KIAA1217: variants seen among roughly 807,000 people sequenced by gnomAD.
The protein encoded by KIAA1217 is KIAA1217, also known as sickle tail protein homolog.
KIAA1217 carries 88 observed loss-of-function variants against 163.9 expected under a neutral mutation model. That is an observed-to-expected ratio of 0.54 (90% confidence interval 0.45 to 0.64). KIAA1217 has a LOEUF of 0.64. Ranked by LOEUF, KIAA1217 falls within the 30% of genes least tolerant of loss-of-function variation. The pLI is 0.00. For missense variants in KIAA1217, 2,372 were observed against 2,475.0 expected (o/e 0.96, Z 0.88); for synonymous variants, 903 against 923.1 (o/e 0.98, Z 0.39).
At chr10:24,261,159 G>C (rs1017721892) in intron 2 of KIAA1217, among the ~76,000 whole-genome samples, 4 of 151,442 alleles carry the variant, frequency 2.6e-5, no homozygotes, top group Admixed American at 2.6e-4. Flanking sequence ...TGTCTTCTAA[G>C]CTGGTTGTGT....
chr10:24,393,140 T>C (rs938029326), intron 3 of KIAA1217, among the ~76,000 whole-genome samples: 1 of 152,218 alleles, frequency 6.6e-6, no homozygotes, highest in Admixed American at 6.5e-5. Flanking sequence ...AACTTCATCC[T>C]TGGTGTTCTC....
intron 2 of KIAA1217, among the ~76,000 whole-genome samples, chr10:24,199,168 G>A (rs2067130866): frequency 6.6e-6 from 1 of 152,168 alleles, no homozygotes; most frequent in Non-Finnish European, 1.5e-5. Flanking sequence ...GGAGTTTGGG[G>A]CTGCAGTGAG....
At chr10:23,711,824 G>A (rs1228456807) in intron 1 of KIAA1217, among the ~76,000 whole-genome samples, 3 of 152,106 alleles carry the variant, frequency 2.0e-5, no homozygotes, top group Non-Finnish European at 4.4e-5. Flanking sequence ...GTGTCTTAGT[G>A]GAGAGAAGTT....
intron 3 of KIAA1217, among the ~76,000 whole-genome samples, chr10:24,395,893 G>C (rs1024035701): frequency 1.3e-5 from 2 of 152,060 alleles, no homozygotes; most frequent in Non-Finnish European, 2.9e-5. Flanking sequence ...ATTAGCCCAG[G>C]CTGGTCTCAA....
At chr10:23,856,332 C>T (rs893546081) in intron 1 of KIAA1217, among the ~76,000 whole-genome samples, 16 of 152,330 alleles carry the variant, frequency 1.1e-4, no homozygotes, top group African/African-American at 3.4e-4. Flanking sequence ...AGCGGATTTT[C>T]GTGAACCGCG....
intron 5 of KIAA1217, among the ~76,000 whole-genome samples, chr10:24,470,402 T>C (rs2063382048): frequency 6.6e-6 from 1 of 152,144 alleles, no homozygotes; most frequent in African/African-American, 2.4e-5. Context: ...GGGTGTCCAA[T>C]GAGCAGGGAG....
chr10:24,200,903 G>T (rs2067226195), intron 2 of KIAA1217, among the ~76,000 whole-genome samples: 1 of 152,102 alleles, frequency 6.6e-6, no homozygotes, highest in Non-Finnish European at 1.5e-5. Flanking sequence ...TATCAGTGCT[G>T]CTGCTGAACA....
chr10:24,186,301 T>C (rs1396910510), intron 2 of KIAA1217, among the ~76,000 whole-genome samples: 1 of 152,216 alleles, frequency 6.6e-6, no homozygotes, highest in Non-Finnish European at 1.5e-5. Flanking sequence ...CCTCTGGTTT[T>C]ATACTTGGAT....
In KIAA1217 at chr10:24,359,507, A is replaced by G. The variant is rs78430678; in HGVS notation, c.355-21362A>G. Among the ~76,000 whole-genome samples, 1,136 of 152,374 alleles carry G rather than the reference A, an allele frequency of 7.5e-3. 6 individuals carry two copies. Among genetic ancestry groups the G allele is most frequent in the Non-Finnish European group, 0.012 (844 of 68,036 alleles). On this transcript the variant is annotated intron_variant, in intron 2 of 20. Transcript: ENST00000376454. ...CAAGTTATTTCATACAACAAAGTATAATATAAACATCATTATTACTATGTC... is the reference window on the plus strand; with the variant it reads ...CAAGTTATTTCATACAACAAAGTATGATATAAACATCATTATTACTATGTC...
intron 2 of KIAA1217, among the ~76,000 whole-genome samples, chr10:24,078,983 T>A (rs921626055): frequency 1.3e-5 from 2 of 152,180 alleles, no homozygotes; most frequent in African/African-American, 4.8e-5. Flanking sequence ...CCGTTTAAGG[T>A]TTCTCATGGG....
At chr10:24,064,369 A>G (rs2060854080) in intron 2 of KIAA1217, among the ~76,000 whole-genome samples, 1 of 152,334 alleles carries the variant, frequency 6.6e-6, no homozygotes, top group Admixed American at 6.5e-5. Flanking sequence ...GAATTTTTTC[A>G]AAGGCCTCTT....
chr10:24,239,692 TG>T (rs1323832980), intron 2 of KIAA1217, among the ~76,000 whole-genome samples: 3,667 of 140,896 alleles, frequency 0.026, 118 homozygotes, highest in African/African-American at 0.082. Context: ...TGTGTGTGTG[TG>T]TGTTTGTGTG....
In KIAA1217 at chr10:24,068,436, T is replaced by C. The variant is rs184800659; in HGVS notation, c.-171+61062T>C. ...GGTGACAGTTATTTTGAATTATCTG[T>C]CAGATAATTCATATATCTCTGTTTC... On this transcript the variant is annotated intron_variant, in intron 2 of 18. Coordinates refer to the KIAA1217 transcript ENST00000376462. Among the ~76,000 whole-genome samples the C allele has an allele frequency of 5.3e-5, 8 of 152,352 alleles. No individual in the cohort carries two copies. In the East Asian group the frequency reaches 1.2e-3, roughly 22 times the overall value.
At chr10:24,330,467 G>A (rs566146263) in intron 2 of KIAA1217, among the ~76,000 whole-genome samples, 2 of 152,260 alleles carry the variant, frequency 1.3e-5, no homozygotes, top group South Asian at 4.1e-4. Flanking sequence ...AGGAACCTTT[G>A]CAAGCACTTT....
At chr10:24,105,285 CA>C (rs2062580465) in intron 2 of KIAA1217, among the ~76,000 whole-genome samples, 1 of 152,038 alleles carries the variant, frequency 6.6e-6, no homozygotes, top group Admixed American at 6.6e-5. Context: ...CATCAAGTTG[CA>C]AAAATCTCAA....
chr10:23,887,750 C>T lies in KIAA1217; in HGVS notation c.-320-119475C>T, dbSNP rs562795445. ...CTTATTTATTTTTAAGACAGGGTCT[C>T]ACTCTTTCCCCCAAGATGGATTGCA... On this transcript the variant is annotated intron_variant, in intron 1 of 18. Transcript: ENST00000376462. 4.6e-5 allele frequency among the ~76,000 whole-genome samples: 7 copies of T among 151,946 alleles called. No homozygotes were observed. The East Asian group carries it at 1.4e-3, about 30-fold the overall frequency.
At chr10:24,491,185 T>C (rs2066072511) in intron 6 of KIAA1217, among the ~76,000 whole-genome samples, 1 of 149,142 alleles carries the variant, frequency 6.7e-6, no homozygotes. Context: ...GTGGTCTGTG[T>C]TGTGACATTC....
chr10:23,951,408 C>T (rs1166653971), intron 1 of KIAA1217, among the ~76,000 whole-genome samples: 1 of 152,148 alleles, frequency 6.6e-6, no homozygotes, highest in African/African-American at 2.4e-5. Flanking sequence ...AATCCCAGCA[C>T]TTTAGGAGCC....
chr10:24,429,347 T>C (rs1233891352), intron 3 of KIAA1217, among the ~76,000 whole-genome samples: 1 of 152,214 alleles, frequency 6.6e-6, no homozygotes, highest in Non-Finnish European at 1.5e-5. Context: ...CGATCTCATG[T>C]CCTTCAGTTT....
Sources: allele counts gnomAD v4.1 joint callset (sites outside exome capture counted in the v4.1 genomes callset), GRCh38; gene constraint gnomAD v4.1.1; transcripts MANE v1.5; gene names NCBI Gene and HGNC (gene_info 2026-07-23, HGNC 2026-07-21).